OTOGL: variants seen among roughly 807,000 people sequenced by gnomAD.
The protein encoded by OTOGL is otogelin like.
Under a neutral mutation model 318.5 loss-of-function variants are expected in OTOGL, and 285 were observed. The observed-to-expected ratio is 0.89, with a 90% CI of 0.81 to 0.99. The LOEUF is 0.99. OTOGL is among the 50% of genes least tolerant of loss of function. The probability of loss-of-function intolerance (pLI) is 0.00; values close to 1 mark genes in which losing one functional copy is unlikely to be tolerated. For synonymous variants in OTOGL, 987 were observed against 936.5 expected, an observed-to-expected ratio of 1.05 and a Z score of -0.99; for missense variants, 2,899 against 2,845.6, an observed-to-expected ratio of 1.02 and a Z score of -0.43.
intron 1 of OTOGL, among the ~76,000 whole-genome samples, chr12:80,207,603 G>A (rs952308347): frequency 3.9e-5 from 6 of 152,108 alleles, no homozygotes; most frequent in Admixed American, 3.9e-4. Context: ...TCATAGTGTA[G>A]GTTAAGTTAT....
At chr12:80,129,615 T>G (rs1228400521) in intron 1 of OTOGL, among the ~76,000 whole-genome samples, 2 of 152,186 alleles carry the variant, frequency 1.3e-5, no homozygotes, top group Non-Finnish European at 2.9e-5. Context: ...TCTCATTTTT[T>G]TTTTCTTTTA....
chr12:80,185,918 A>T (rs756649457), intron 1 of OTOGL, among the ~76,000 whole-genome samples: 6 of 152,208 alleles, frequency 3.9e-5, no homozygotes, highest in Non-Finnish European at 7.3e-5. Context: ...TAAAAATATT[A>T]GAAAAAAGGG....
At position 80,262,002 on chromosome 12, in the gene OTOGL, A is replaced by G. The variant is rs374360088; in HGVS notation, c.1923A>G (p.Gln641=). The G allele has an allele frequency of 1.2e-5, 19 of 1,612,794 alleles. No individual in the cohort carries two copies. Among genetic ancestry groups the G allele is most frequent in the African/African-American group, 2.7e-5 (2 of 74,896 alleles). The change falls in exon 19 of 59, where the codon CAA becomes CAG. Residue 641 remains glutamine, a synonymous_variant. Coordinates refer to ENST00000547103, the MANE Select transcript of OTOGL (RefSeq NM_001378609.3). The stretch of plus-strand genomic sequence containing the variant: ...CAGGCATGATAGAAGGTACACCACA[A>G]CTTCACGCAAATGCGTGGAGAGTTT... The part of the protein sequence containing the change: ...SPSGMIEGTP[Q]LHANAWRVSS...
At chr12:80,344,037 C>T (rs1051048066) in intron 44 of OTOGL, among the ~76,000 whole-genome samples, 13 of 152,058 alleles carry the variant, frequency 8.5e-5, no homozygotes, top group African/African-American at 2.9e-4. Context: ...TACGCGTTCC[C>T]TGAGGGAAAA....
At chr12:80,247,969 A>G (rs1485494254) in intron 11 of OTOGL, among the ~76,000 whole-genome samples, 26 of 97,484 alleles carry the variant, frequency 2.7e-4, no homozygotes, top group Non-Finnish European at 4.3e-4. Flanking sequence ...CTGTTTTATC[A>G]GAGACTAGGA....
chr12:80,302,510 G>A (rs905073981), intron 27 of OTOGL, 124 bp from the exon 28 acceptor site: 4 of 586,734 alleles, frequency 6.8e-6, no homozygotes, highest in African/African-American at 3.9e-5. Context: ...ATTCAGAAAA[G>A]GCATGACCAT....
intron 1 of OTOGL, among the ~76,000 whole-genome samples, chr12:80,144,933 T>A (rs1389836122): frequency 6.6e-6 from 1 of 151,322 alleles, no homozygotes; most frequent in Non-Finnish European, 1.5e-5. Flanking sequence ...TTTGTTTGAG[T>A]TCATTGTAGA....
chr12:80,288,240 G>A (rs1047283865), intron 26 of OTOGL, among the ~76,000 whole-genome samples: 2 of 152,054 alleles, frequency 1.3e-5, no homozygotes, highest in Non-Finnish European at 2.9e-5. Flanking sequence ...CTGTCTTCTG[G>A]CTTATAGGGT....
intron 21 of OTOGL, 92 bp downstream of exon 21, chr12:80,266,708 A>G: frequency 7.8e-7 from 1 of 1,283,180 alleles, no homozygotes; most frequent in Non-Finnish European, 1.1e-6. Context: ...TTTGAAAAAA[A>G]TATTTCTTAT....
At chr12:80,275,621 A>T (rs943206941) in intron 24 of OTOGL, among the ~76,000 whole-genome samples, 5 of 151,896 alleles carry the variant, frequency 3.3e-5, no homozygotes, top group African/African-American at 1.2e-4. Flanking sequence ...TTTAGGTAAA[A>T]CACTATCAAA....
intron 47 of OTOGL, 135 bp from the exon 48 acceptor site, chr12:80,356,281 G>A: frequency 4.5e-6 from 3 of 672,350 alleles, no homozygotes; most frequent in South Asian, 4.0e-5. Flanking sequence ...GTTAACTGCA[G>A]TGTAAAAACA....
rs1284934663 is a variant in OTOGL, at chr12:80,319,422, T to G, written c.3802+709T>G. On this transcript the variant is annotated intron_variant, in intron 33 of 58. Coordinates refer to ENST00000547103, the MANE Select transcript of OTOGL (RefSeq NM_001378609.3). Reference sequence around the variant, plus strand: ...GAATCAATCAGACTTAACTTTCGCTTATTCTGAGAATGCTCACAATTCTCC... The same window carrying G: ...GAATCAATCAGACTTAACTTTCGCTGATTCTGAGAATGCTCACAATTCTCC... Among the ~76,000 whole-genome samples the G allele has an allele frequency of 4.6e-5, 7 of 152,332 alleles. No individual in the cohort carries two copies. In the East Asian group the frequency reaches 1.4e-3, roughly 29 times the overall value.
intron 20 of OTOGL, among the ~76,000 whole-genome samples, 187 bp from the exon 21 acceptor site, chr12:80,266,264 C>T (rs1882953944): frequency 6.6e-6 from 1 of 152,178 alleles, no homozygotes; most frequent in Non-Finnish European, 1.5e-5. Flanking sequence ...AAAAAGGTTT[C>T]CAACCCTTGC....
At chr12:80,140,404 T>G (rs958472833) in intron 1 of OTOGL, among the ~76,000 whole-genome samples, 1 of 152,220 alleles carries the variant, frequency 6.6e-6, no homozygotes, top group Non-Finnish European at 1.5e-5. Flanking sequence ...GTTAACTATT[T>G]GTGTTCAGCT....
rs1167245200 is a variant in OTOGL, at chr12:80,269,477, C to T, written c.2466-625C>T. ...TTCTGCTTAGGTCTTCAATGGCTCA[C>T]CTCAGGGGTAAAATCTTAGCATCTT... On this transcript the variant is annotated intron_variant, in intron 22 of 58. Transcript: ENST00000547103. Among the ~76,000 whole-genome samples the T allele has an allele frequency of 2.0e-5, 3 of 152,184 alleles. No individual in the cohort carries two copies. The East Asian group carries it at 5.8e-4, about 29-fold the overall frequency.
chr12:80,145,258 A>T (rs905340431), intron 1 of OTOGL, among the ~76,000 whole-genome samples: 8,077 of 148,964 alleles, frequency 0.054, 728 homozygotes, highest in African/African-American at 0.19. Context: ...GGGATCCAGT[A>T]TCAGCTTTCT....
chr12:80,146,509 C>G (rs1339624042), intron 1 of OTOGL, among the ~76,000 whole-genome samples: 1 of 151,694 alleles, frequency 6.6e-6, no homozygotes, highest in Non-Finnish European at 1.5e-5. Context: ...GGATATTGGT[C>G]TAAAATTCTC....
At chr12:80,220,871 A>G (rs1194341848) in intron 6 of OTOGL, among the ~76,000 whole-genome samples, 1 of 152,142 alleles carries the variant, frequency 6.6e-6, no homozygotes, top group Non-Finnish European at 1.5e-5. Flanking sequence ...AGATGCTATG[A>G]AAAAATGAAG....
intron 27 of OTOGL, among the ~76,000 whole-genome samples, chr12:80,301,397 T>C (rs530303165): frequency 1.1e-4 from 16 of 152,342 alleles, no homozygotes; most frequent in African/African-American, 3.6e-4. Context: ...ACAACCATGG[T>C]CTAATACTTC....
Sources: gnomAD v4.1 joint callset for allele counts (sites outside exome capture counted in the v4.1 genomes callset) on GRCh38, gnomAD v4.1.1 for gene constraint, MANE v1.5 for transcripts, NCBI Gene and HGNC (gene_info 2026-07-23, HGNC 2026-07-21) for gene names.